The following CSPG5 variants were observed in gnomAD, a reference collection of about 807,000 sequenced individuals.
The protein encoded by CSPG5 is acidic leucine-rich EGF-like domain-containing brain protein.
In CSPG5, 25 loss-of-function variants were observed where a neutral mutation model predicts 39.8. The ratio of observed to expected loss-of-function variants is 0.63; its 90% confidence interval spans 0.46 to 0.88. The LOEUF is 0.88. CSPG5 is among the 40% of genes least tolerant of loss of function. CSPG5 has a pLI of 0.00. For synonymous variants in CSPG5, 295 were observed against 303.9 expected, an observed-to-expected ratio of 0.97 and a Z score of 0.31; for missense variants, 627 against 702.2, an observed-to-expected ratio of 0.89 and a Z score of 1.21.
rs559289601 is a variant in CSPG5, at chr3:47,572,366, T to A, written c.1382+320A>T. On this transcript the variant is annotated intron_variant, in intron 3 of 4. Transcript: ENST00000264723. The surrounding 1 kb of genome is among the most constrained non-coding windows in gnomAD (Gnocchi z 4.5). ...AGGTGGGCAGACTGAGTAACTTACC[T>A]GGGGACTAGAGGAGGAGTAGCTACA... Among the ~76,000 whole-genome samples, 2 of 152,318 alleles carry A rather than the reference T, an allele frequency of 1.3e-5. No individual in the cohort carries two copies. Among genetic ancestry groups the A allele is most frequent in the East Asian group, 3.9e-4 (2 of 5,194 alleles).
chr3:47,577,115 G>A lies in CSPG5; in HGVS notation c.911C>T (p.Thr304Ile). ...CCCGGGCCCCAGACCAGGCTTCCCA[G>A]TGGGCACTAGAAGCTCATTTTCATC... The part of the protein sequence containing the change: ...LEDENELLVP[T>I]GKPGLGPGTG... Residue 304 changes from threonine (T) to isoleucine (I), a missense_variant, in exon 2 of 5, where the codon ACT (threonine) becomes ATT (isoleucine). Thr to Ile is a moderately conservative substitution (Grantham distance 89). Coordinates refer to ENST00000264723, the MANE Select transcript of CSPG5 (RefSeq NM_006574.4). The surrounding 1 kb of genome is among the most constrained non-coding windows in gnomAD (Gnocchi z 4.7). The A allele has an allele frequency of 6.2e-7, 1 of 1,613,934 alleles. No homozygotes were observed. Among genetic ancestry groups the A allele is most frequent in the Non-Finnish European group, 8.5e-7 (1 of 1,180,032 alleles).
At position 47,576,048 on chromosome 3, in the gene CSPG5, C is replaced by T. The variant is rs960198584; in HGVS notation, c.1193+785G>A. Among the ~76,000 whole-genome samples the T allele has an allele frequency of 5.3e-5, 8 of 151,066 alleles. No homozygotes were observed. In the Admixed American group the frequency reaches 5.3e-4, roughly 10 times the overall value. On this transcript the variant is annotated intron_variant, in intron 2 of 4. Transcript: ENST00000264723. Reference sequence around the variant, plus strand: ...CACCTCCTGGGTTCAAGCAATTCTGCCTCAGCCTCCCGAGTAGCTGGGATT... The same window carrying T: ...CACCTCCTGGGTTCAAGCAATTCTGTCTCAGCCTCCCGAGTAGCTGGGATT...
In CSPG5 at chr3:47,562,650, C is replaced by T; in HGVS notation, c.1570G>A (p.Gly524Ser). The change falls in exon 5 of 5, where the codon GGT (glycine) becomes AGT (serine). Residue 524 changes from glycine to serine, a missense_variant. Transcript: ENST00000264723. ...SMSPKLEGGK[G>S]DQADLDVNCL... is the part of the protein sequence containing the mutation. The stretch of plus-strand genomic sequence containing the variant: ...TTCACATCCAAGTCAGCCTGGTCAC[C>T]TTTGCCACCCTCAAGTTTGGGCGAC... 6.2e-7 allele frequency: 1 copy of T among 1,614,030 alleles called. No individual in the cohort carries two copies. Among genetic ancestry groups the T allele is most frequent in the Non-Finnish European group, 8.5e-7 (1 of 1,180,014 alleles).
chr3:47,578,934 C>T (rs574533641), upstream of CSPG5: 127 of 151,696 alleles, frequency 8.4e-4, 1 homozygote, highest in South Asian at 0.015. This position sits in a 1 kb window ranked among gnomAD's most constrained non-coding sequence, Gnocchi z 6.0. Flanking sequence ...GCCGCGCCGG[C>T]CCCGCCGCAC....
intron 3 of CSPG5, 109 bp from the exon 4 acceptor site, chr3:47,569,336 G>C: frequency 9.0e-7 from 1 of 1,117,288 alleles, no homozygotes. Flanking sequence ...GGGCGTGGTG[G>C]CTCGCGCCTG....
At position 47,577,227 on chromosome 3, in the gene CSPG5, G is replaced by T; in HGVS notation, c.799C>A (p.Pro267Thr). The change falls in exon 2 of 5, where the codon CCC becomes ACC. Residue 267 changes from proline (P) to threonine (T), a missense_variant. Physicochemically the swap from Pro to Thr is conservative, Grantham distance 38 (BLOSUM62 -1). Transcript: ENST00000264723. This position sits in a 1 kb window ranked among gnomAD's most constrained non-coding sequence, Gnocchi z 4.7. Reference sequence around the variant, plus strand: ...AAGTCATCATAAAAGGATGTGGTGGGGTAGAAATCAGATTCATCGAAGGGG... The same window carrying T: ...AAGTCATCATAAAAGGATGTGGTGGTGTAGAAATCAGATTCATCGAAGGGG... Reference protein sequence around the residue: ...FTPFDESDFYPTTSFYDDLDE... With the variant: ...FTPFDESDFYTTTSFYDDLDE... The T allele has an allele frequency of 1.2e-6, 2 of 1,608,100 alleles. No individual in the cohort carries two copies. The highest frequency in any genetic ancestry group is 1.7e-6 in the Non-Finnish European group (2 of 1,177,060).
rs1001590409 is a variant in CSPG5 at position 47,578,648 on chromosome 3, G to A, written c.46C>T (p.Leu16=). The change falls in exon 1 of 5, where the codon CTG becomes TTG. Residue 16 remains leucine, a synonymous_variant. Coordinates refer to ENST00000264723, the MANE Select transcript of CSPG5 (RefSeq NM_006574.4). The surrounding 1 kb of genome is among the most constrained non-coding windows in gnomAD (Gnocchi z 6.0). ...AGCGCGGCCCCCAGAAACAGCAGCA[G>A]TGGCGGCGGCCCCCGGCCCGGGCCC... is the stretch of plus-strand genomic sequence containing the variant. The part of the protein sequence containing the change: ...GGGPGRGPPP[L]LLFLGAALVL... 7.9e-6 allele frequency: 9 copies of A among 1,142,804 alleles called. No individual in the cohort carries two copies. In the Admixed American group the frequency reaches 3.8e-4, roughly 48 times the overall value. 70.8% of individuals were successfully genotyped at this position (1,142,804 alleles called of 1,614,324 possible).
In CSPG5 at chr3:47,572,601, C is replaced by T. The variant is rs1029323695; in HGVS notation, c.1382+85G>A. 2 of 1,189,414 alleles carry T rather than the reference C, an allele frequency of 1.7e-6. No individual in the cohort carries two copies. Among genetic ancestry groups the T allele is most frequent in the African/African-American group, 1.5e-5 (1 of 66,332 alleles). The allele number at this position is 1,189,414 out of a possible 1,614,324, so 73.7% of individuals were successfully genotyped here. On this transcript the variant is annotated intron_variant, in intron 3 of 4. Transcript: ENST00000264723. The surrounding 1 kb of genome is among the most constrained non-coding windows in gnomAD (Gnocchi z 4.5). ...GTGCCAGAAACCCTCACGACAAAGT[C>T]CCTGGATCAGTTGGAGGGGTGCAGC...
At position 47,577,136 on chromosome 3, in the gene CSPG5, T is replaced by G. The variant is rs753681401; in HGVS notation, c.890A>C (p.Glu297Ala). The change falls in exon 2 of 5, where the codon GAA becomes GCA. Residue 297 changes from glutamate to alanine, a missense_variant. Physicochemically the swap from Glu to Ala is moderately radical, Grantham distance 107. Transcript: ENST00000264723. The surrounding 1 kb of genome is among the most constrained non-coding windows in gnomAD (Gnocchi z 4.7). Reference protein sequence around the residue: ...DAVGGGDLEDENELLVPTGKP... With the variant: ...DAVGGGDLEDANELLVPTGKP... ...CCCAGTGGGCACTAGAAGCTCATTT[T>G]CATCTTCTAGGTCTCCACCTCCTAC... is the stretch of plus-strand genomic sequence containing the variant. 6.2e-7 allele frequency: 1 copy of G among 1,613,942 alleles called. No homozygotes were observed. The highest frequency in any genetic ancestry group is 8.5e-7 in the Non-Finnish European group (1 of 1,179,974).
chr3:47,575,909 AAG>A (rs2031702311), intron 2 of CSPG5, among the ~76,000 whole-genome samples: 1 of 150,494 alleles, frequency 6.6e-6, no homozygotes, highest in African/African-American at 2.4e-5. Flanking sequence ...AAAACTCTTA[AAG>A]AATTCCCTTC....
chr3:47,562,877 A>G, intron 4 of CSPG5, 116 bp from the exon 5 acceptor site: 1 of 1,153,732 alleles, frequency 8.7e-7, no homozygotes, highest in South Asian at 1.8e-5. Context: ...AAAAGCTCCA[A>G]GACTTGAATG....
intron 3 of CSPG5, among the ~76,000 whole-genome samples, chr3:47,571,745 G>A (rs2031536784): frequency 1.3e-5 from 2 of 152,150 alleles, no homozygotes; most frequent in Admixed American, 6.5e-5. Flanking sequence ...CTCAGGTCAA[G>A]GGGAGGGGGA....
chr3:47,572,182 G>C lies in CSPG5; in HGVS notation c.1382+504C>G, dbSNP rs957916927. Among the ~76,000 whole-genome samples, 2 of 152,234 alleles carry C rather than the reference G, an allele frequency of 1.3e-5. No individual in the cohort carries two copies. Among genetic ancestry groups the C allele is most frequent in the South Asian group, 2.1e-4 (1 of 4,832 alleles). ...ACTAGCTTTCAAAAAGCAATGCAGT[G>C]TGGTGCTAAATAAACCCTTTCTCCT... On this transcript the variant is annotated intron_variant, in intron 3 of 4. Transcript: ENST00000264723. The surrounding 1 kb of genome is among the most constrained non-coding windows in gnomAD (Gnocchi z 4.5).
intron 4 of CSPG5, among the ~76,000 whole-genome samples, chr3:47,564,923 A>G (rs2031233931): frequency 6.6e-6 from 1 of 152,116 alleles, no homozygotes; most frequent in African/African-American, 2.4e-5. Flanking sequence ...AGCTATAAGT[A>G]TCTTAGGTAG....
At position 47,562,714 on chromosome 3, in the gene CSPG5, G is replaced by T; in HGVS notation, c.1506C>A (p.Cys502Ter). The T allele has an allele frequency of 6.2e-7, 1 of 1,613,990 alleles. No individual in the cohort carries two copies. The highest frequency in any genetic ancestry group is 8.5e-7 in the Non-Finnish European group (1 of 1,179,970). The change falls in exon 5 of 5, where the codon TGC becomes TGA. Residue 502 changes from cysteine to a stop codon, truncating the protein, a stop_gained. Transcript: ENST00000264723. LOFTEE classifies it high-confidence loss of function. The stretch of plus-strand genomic sequence containing the variant: ...TGTTAAATGACTCCTCCTCTTTCAG[G>T]CAGGACTTGAGAACCTCCTGGATTT... ...PHKIQEVLKS[C>*]LKEEESFNIQ...
chr3:47,566,398 T>A (rs958007013), intron 4 of CSPG5, among the ~76,000 whole-genome samples: 1 of 152,016 alleles, frequency 6.6e-6, no homozygotes, highest in East Asian at 1.9e-4. Context: ...AGGCAGTGAG[T>A]GTGGCGGCTG....
At position 47,574,832 on chromosome 3, in the gene CSPG5, C is replaced by T. The variant is rs569059871; in HGVS notation, c.1194-1958G>A. The stretch of plus-strand genomic sequence containing the variant: ...CGGGCGCCTGCAGTCCCAGCTACTC[C>T]GGAGGCTGAGGCAGGAGAATGGCAT... On this transcript the variant is annotated intron_variant, in intron 2 of 4. Coordinates refer to ENST00000264723, the MANE Select transcript of CSPG5 (RefSeq NM_006574.4). 1.3e-4 allele frequency among the ~76,000 whole-genome samples: 19 copies of T among 151,710 alleles called. No individual in the cohort carries two copies. In the East Asian group the frequency reaches 2.0e-3, roughly 16 times the overall value.
intron 4 of CSPG5, among the ~76,000 whole-genome samples, chr3:47,566,611 G>A: frequency 6.6e-6 from 1 of 152,190 alleles, no homozygotes; most frequent in East Asian, 1.9e-4. Flanking sequence ...AGGAGAAGAT[G>A]ATGTCCCCTT....
At chr3:47,576,276 AAC>A (rs1264997318) in intron 2 of CSPG5, among the ~76,000 whole-genome samples, 2 of 151,974 alleles carry the variant, frequency 1.3e-5, no homozygotes, top group Non-Finnish European at 2.9e-5. Context: ...GTAAGGACAC[AAC>A]ACACAGAGGA....
Sources: gnomAD v4.1 joint callset for allele counts (sites outside exome capture counted in the v4.1 genomes callset) on GRCh38, gnomAD v4.1.1 for gene constraint, Gnocchi (gnomAD v3.1) non-coding constraint, MANE v1.5 for transcripts, NCBI Gene and HGNC (gene_info 2026-07-23, HGNC 2026-07-21) for gene names.